SCUBE2: variants seen among roughly 807,000 people sequenced by gnomAD.
SCUBE2 encodes signal peptide, CUB and EGF-like domain-containing protein 2.
In SCUBE2, 114 loss-of-function variants were observed where a neutral mutation model predicts 125.9. That is an observed-to-expected ratio of 0.91 (90% CI 0.78 to 1.06). The LOEUF (loss-of-function observed/expected upper bound fraction) is 1.06, where lower values mean the gene tolerates loss of function less well. SCUBE2 is among the 50% of genes least tolerant of loss of function. The pLI is 0.00. For missense variants in SCUBE2, 1,255 were observed against 1,301.8 expected (o/e 0.96, Z 0.55); for synonymous variants, 459 against 492.9 (o/e 0.93, Z 0.91).
intron 15 of SCUBE2, 118 bp downstream of exon 15, chr11:9,047,825 A>G: frequency 7.9e-7 from 1 of 1,264,452 alleles, no homozygotes; most frequent in Non-Finnish European, 1.1e-6. Context: ...GTGAAAAAAA[A>G]CAGGAGATAC....
Position 9,024,485 on chromosome 11 carries a change from C to A in SCUBE2, c.2854+1217G>T, listed in dbSNP as rs528453483. On this transcript the variant is annotated intron_variant, in intron 21 of 22. Coordinates refer to ENST00000649792, the MANE Select transcript of SCUBE2 (RefSeq NM_001367977.2). ...AGCCATAGAATATTGTCTTCCCAAA[C>A]AATTTTGGCACTTGTCATCCTAAAA... 5.4e-5 allele frequency: 60 copies of A among 1,109,166 alleles called. No homozygotes were observed. The African/African-American group carries it at 9.3e-4, about 17-fold the overall frequency. 68.7% of individuals were successfully genotyped at this position (1,109,166 alleles called of 1,614,324 possible).
At chr11:9,057,721 C>T (rs1173865821) in intron 9 of SCUBE2, among the ~76,000 whole-genome samples, 3 of 151,956 alleles carry the variant, frequency 2.0e-5, no homozygotes, top group African/African-American at 7.3e-5. Context: ...TTAGTAGAGA[C>T]GGGGTTTTGC....
At chr11:9,084,705 C>A (rs1356950483) in intron 2 of SCUBE2, among the ~76,000 whole-genome samples, 2 of 152,080 alleles carry the variant, frequency 1.3e-5, no homozygotes, top group Non-Finnish European at 2.9e-5. Flanking sequence ...AAACTCATAA[C>A]CTCAATTTTA....
chr11:9,027,673 A>C (rs748526082), intron 19 of SCUBE2, 112 bp from the exon 20 acceptor site: 27 of 858,972 alleles, frequency 3.1e-5, no homozygotes, highest in Non-Finnish European at 4.9e-5. Context: ...ATGGGGCATG[A>C]AAATGACACC....
chr11:9,053,281 G>A (rs1672217822), intron 11 of SCUBE2, 66 bp from the exon 12 acceptor site: 1 of 1,344,916 alleles, frequency 7.4e-7, no homozygotes, highest in Non-Finnish European at 1.1e-6. Context: ...AAGGATGGTT[G>A]AGTCCCATGC....
At chr11:9,047,860 C>G (rs531153195) in intron 15 of SCUBE2, 83 bp downstream of exon 15, 1 of 1,464,120 alleles carries the variant, frequency 6.8e-7, no homozygotes, top group Non-Finnish European at 9.2e-7. Context: ...TACTTTTCCC[C>G]CAAGAATAAT....
chr11:9,042,896 G>C (rs1200216034), intron 16 of SCUBE2, among the ~76,000 whole-genome samples: 1 of 152,114 alleles, frequency 6.6e-6, no homozygotes, highest in Non-Finnish European at 1.5e-5. Context: ...GGACCTGCAT[G>C]TTCTCAGTAT....
intron 14 of SCUBE2, among the ~76,000 whole-genome samples, chr11:9,048,380 C>A (rs1348015200): frequency 6.6e-6 from 1 of 152,190 alleles, no homozygotes; most frequent in East Asian, 1.9e-4. Context: ...ATGTGGAAGA[C>A]AAGAACCAGG....
rs1564835449 is a variant in SCUBE2, at chr11:9,065,926, T to A, written c.815A>T (p.Asp272Val). 1.3e-5 allele frequency: 21 copies of A among 1,614,172 alleles called. No individual in the cohort carries two copies. Among genetic ancestry groups the A allele is most frequent in the Non-Finnish European group, 1.8e-5 (21 of 1,180,024 alleles). ...CCGCCGTTTCACCCGTTTATCCCCA[T>A]CCACCACTGATGTGGTGTTGCTCTC... ...VTESNTTSVV[D>V]GDKRVKRRLL... The change falls in exon 7 of 23, where the codon GAT becomes GTT. Residue 272 changes from aspartate (D) to valine (V), a missense_variant. Transcript: ENST00000649792.
chr11:9,052,025 T>C (rs543426400), intron 13 of SCUBE2, among the ~76,000 whole-genome samples: 2 of 152,360 alleles, frequency 1.3e-5, no homozygotes, highest in East Asian at 3.9e-4. Context: ...GAGTAAGTTA[T>C]TTCACCTCTC....
rs1859128575 is a variant in SCUBE2 at position 9,056,741 on chromosome 11, TC to T, written c.1091-833del. On this transcript the variant is annotated intron_variant, in intron 9 of 22. Coordinates refer to ENST00000649792, the MANE Select transcript of SCUBE2 (RefSeq NM_001367977.2). ...GTAGGCTGGAATTTGAGTGCTTCACTCCCTGAACTCTGGAGGATTTTAACAT... is the reference window on the plus strand; with the variant it reads ...GTAGGCTGGAATTTGAGTGCTTCACTCCTGAACTCTGGAGGATTTTAACAT... Among the ~76,000 whole-genome samples, 3 of 152,310 alleles carry T rather than the reference TC, an allele frequency of 2.0e-5. No homozygotes were observed. In the East Asian group the frequency reaches 5.8e-4, roughly 29 times the overall value.
intron 3 of SCUBE2, 48 bp downstream of exon 3, chr11:9,079,336 G>A (rs530031215): frequency 6.2e-7 from 1 of 1,609,086 alleles, no homozygotes; most frequent in South Asian, 1.1e-5. Context: ...GGGAAAGAAA[G>A]GGGTGGGAGA....
At chr11:9,044,990 C>T (rs920938490) in intron 16 of SCUBE2, among the ~76,000 whole-genome samples, 1 of 152,158 alleles carries the variant, frequency 6.6e-6, no homozygotes, top group East Asian at 1.9e-4. Flanking sequence ...CCCTGCAGCC[C>T]TGCTCTCCAT....
At chr11:9,033,837 G>C (rs779276914) in intron 16 of SCUBE2, 41 bp from the exon 17 acceptor site, 1 of 1,600,418 alleles carries the variant, frequency 6.2e-7, no homozygotes, top group Non-Finnish European at 8.6e-7. Flanking sequence ...TGGACACAAA[G>C]GCCAAGGAAG....
intron 2 of SCUBE2, among the ~76,000 whole-genome samples, chr11:9,083,050 A>G (rs1861772394): frequency 8.0e-6 from 1 of 124,662 alleles, no homozygotes; most frequent in African/African-American, 2.6e-5. Context: ...GTGCAAAATA[A>G]ATATAGAAAG....
chr11:9,062,091 G>C (rs928991813), intron 7 of SCUBE2, among the ~76,000 whole-genome samples: 2 of 152,196 alleles, frequency 1.3e-5, no homozygotes, highest in South Asian at 4.1e-4. Flanking sequence ...AGGGCACCAG[G>C]AATAGCAGAG....
intron 21 of SCUBE2, chr11:9,022,841 C>T (rs1855419486): frequency 6.6e-6 from 1 of 152,220 alleles, no homozygotes; most frequent in South Asian, 2.1e-4. Flanking sequence ...TCATCAGGCT[C>T]TCCTTTCCCT....
At chr11:9,085,587 G>A (rs149825188) in intron 2 of SCUBE2, among the ~76,000 whole-genome samples, 4,042 of 152,106 alleles carry the variant, frequency 0.027, 157 homozygotes, top group African/African-American at 0.091. Context: ...TTAGCCAGGC[G>A]TGGTGGTGGG....
At chr11:9,041,026 C>T (rs1032253270) in intron 16 of SCUBE2, among the ~76,000 whole-genome samples, 1 of 152,296 alleles carries the variant, frequency 6.6e-6, no homozygotes, top group Non-Finnish European at 1.5e-5. Context: ...ACCTAAAGCA[C>T]TAGCAATAGT....
Sources: gnomAD v4.1 joint callset for allele counts (sites outside exome capture counted in the v4.1 genomes callset) on GRCh38, gnomAD v4.1.1 for gene constraint, MANE v1.5 for transcripts, NCBI Gene and HGNC (gene_info 2026-07-23, HGNC 2026-07-21) for gene names.